The following PRKAR2B variants were observed in gnomAD, a reference collection of about 807,000 sequenced individuals.
PRKAR2B encodes the protein protein kinase cAMP-dependent type II regulatory subunit beta.
A neutral mutation model predicts 49.9 loss-of-function variants in PRKAR2B; 14 were observed. The observed-to-expected ratio is 0.28, with a 90% CI of 0.19 to 0.44. The LOEUF is 0.44. Ranked by LOEUF, PRKAR2B falls within the 20% of genes least tolerant of loss-of-function variation. PRKAR2B has a pLI of 1.00. For missense variants in PRKAR2B, 393 were observed against 537.9 expected (o/e 0.73, Z 2.67); for synonymous variants, 196 against 197.7 (o/e 0.99, Z 0.07).
chr7:107,050,333 CTTTTTTTTTTTTTT>C (rs57752789), intron 1 of PRKAR2B, among the ~76,000 whole-genome samples: 3 of 68,582 alleles, frequency 4.4e-5, no homozygotes, highest in African/African-American at 2.2e-4. Context: ...CAGTTACCAG[CTTTTTTTTTTTTTT>C]TTTTTTTTTT....
At chr7:107,095,785 G>A (rs1794825728) in intron 2 of PRKAR2B, among the ~76,000 whole-genome samples, 1 of 152,196 alleles carries the variant, frequency 6.6e-6, no homozygotes, top group Admixed American at 6.5e-5. Context: ...ATTTGGTTCT[G>A]TTCATATGAT....
intron 2 of PRKAR2B, among the ~76,000 whole-genome samples, chr7:107,105,597 C>A (rs1795056558): frequency 6.6e-6 from 1 of 152,224 alleles, no homozygotes; most frequent in South Asian, 2.1e-4. Flanking sequence ...CAAGGGCTAT[C>A]TGAGGCTCCT....
chr7:107,101,296 C>T (rs1380675981), intron 2 of PRKAR2B, among the ~76,000 whole-genome samples: 1 of 152,038 alleles, frequency 6.6e-6, no homozygotes, highest in Non-Finnish European at 1.5e-5. Context: ...GATGCAGTGA[C>T]CAGTGGTTGG....
At chr7:107,105,112 T>G (rs536637154) in intron 2 of PRKAR2B, among the ~76,000 whole-genome samples, 1 of 152,302 alleles carries the variant, frequency 6.6e-6, no homozygotes, top group African/African-American at 2.4e-5. Flanking sequence ...AATTATTGTT[T>G]TTTTCCGTGG....
At chr7:107,089,189 T>C (rs1237914893) in intron 2 of PRKAR2B, among the ~76,000 whole-genome samples, 1 of 151,944 alleles carries the variant, frequency 6.6e-6, no homozygotes, top group Non-Finnish European at 1.5e-5. Context: ...AACAAAAAAA[T>C]AGTCACATTT....
intron 4 of PRKAR2B, among the ~76,000 whole-genome samples, chr7:107,137,465 C>T (rs1795718681): frequency 6.6e-6 from 1 of 152,090 alleles, no homozygotes; most frequent in Admixed American, 6.5e-5. Flanking sequence ...TTATCCAGTG[C>T]CCTGTTGATA....
intron 1 of PRKAR2B, among the ~76,000 whole-genome samples, chr7:107,057,031 C>G (rs1006693179): frequency 1.3e-5 from 2 of 152,182 alleles, no homozygotes; most frequent in African/African-American, 4.8e-5. Flanking sequence ...TGTGCTTAAT[C>G]TAAAACTGAT....
At position 107,157,282 on chromosome 7, in the gene PRKAR2B, C is replaced by T. The variant is rs1796109833; in HGVS notation, c.1081C>T (p.Arg361Ter). ...GELALVTNKP[R>*]AASAHAIGTV... ...GCTTGCCCTGGTAACTAACAAACCT[C>T]GAGCAGCTTCTGCCCACGCCATTGG... Residue 361 changes from arginine to a stop codon, truncating the protein, a stop_gained, in exon 10 of 11, where the codon CGA becomes TGA. Coordinates refer to ENST00000265717, the MANE Select transcript of PRKAR2B (RefSeq NM_002736.3). LOFTEE classifies it high-confidence loss of function. 6 of 1,614,080 alleles carry T rather than the reference C, an allele frequency of 3.7e-6. No homozygotes were observed. The highest frequency in any genetic ancestry group is 1.1e-5 in the South Asian group (1 of 91,086).
intron 1 of PRKAR2B, among the ~76,000 whole-genome samples, chr7:107,062,880 A>G (rs1794052957): frequency 6.6e-6 from 1 of 152,154 alleles, no homozygotes; most frequent in Non-Finnish European, 1.5e-5. Context: ...TGCTTTTAAT[A>G]ATACTACTTG....
At position 107,045,059 on chromosome 7, in the gene PRKAR2B, T is replaced by A. The variant is rs1369699110; in HGVS notation, c.152T>A (p.Phe51Tyr). ...AACGAGCGCAAAGGCACCGCGCGCT[T>A]CGGCCATGAGGGCAGGACCTGGGGG... Reference protein sequence around the residue: ...QENERKGTARFGHEGRTWGDL... With the variant: ...QENERKGTARYGHEGRTWGDL... Residue 51 changes from phenylalanine (F) to tyrosine (Y), a missense_variant, in exon 1 of 11, where the codon TTC (phenylalanine) becomes TAC (tyrosine). Transcript: ENST00000265717. 2 of 1,543,868 alleles carry A rather than the reference T, an allele frequency of 1.3e-6. No homozygotes were observed. Among genetic ancestry groups the A allele is most frequent in the Non-Finnish European group, 1.7e-6 (2 of 1,148,744 alleles).
intron 1 of PRKAR2B, among the ~76,000 whole-genome samples, chr7:107,046,037 G>A (rs558566216): frequency 1.4e-4 from 21 of 152,198 alleles, no homozygotes; most frequent in Admixed American, 7.9e-4. Flanking sequence ...TAAGGATTGT[G>A]CCAGACAGTA....
chr7:107,136,423 T>A (rs1195247331), intron 4 of PRKAR2B, among the ~76,000 whole-genome samples: 1 of 152,172 alleles, frequency 6.6e-6, no homozygotes. Flanking sequence ...AAGACACAGC[T>A]GATAAAGGAC....
rs543723625 is a variant in PRKAR2B, at chr7:107,058,085, A to C, written c.308-12196A>C. Among the ~76,000 whole-genome samples, 240 of 151,454 alleles carry C rather than the reference A, an allele frequency of 1.6e-3. 2 individuals are homozygous for C. The highest frequency in any genetic ancestry group is 6.9e-3 in the Middle Eastern group (2 of 290). On this transcript the variant is annotated intron_variant, in intron 1 of 10. Transcript: ENST00000265717. ...AAAGTAAAAAAAAAAAAAAGATGGG[A>C]TAAAGCTTTGCTTTGTTTTCATACC...
chr7:107,146,512 A>T, intron 6 of PRKAR2B, 51 bp downstream of exon 6: 1 of 1,550,208 alleles, frequency 6.5e-7, no homozygotes. Context: ...AGCAATTGCT[A>T]TGACGGTGTT....
At chr7:107,059,785 G>T (rs1400814649) in intron 1 of PRKAR2B, among the ~76,000 whole-genome samples, 1 of 151,920 alleles carries the variant, frequency 6.6e-6, no homozygotes, top group Non-Finnish European at 1.5e-5. Flanking sequence ...ACCTCTGGGG[G>T]ACCATTTCCC....
At position 107,045,033 on chromosome 7, in the gene PRKAR2B, G is replaced by A. The variant is rs1298463292; in HGVS notation, c.126G>A (p.Glu42=). 5.8e-6 allele frequency: 9 copies of A among 1,550,324 alleles called. No homozygotes were observed. In the East Asian group the frequency reaches 9.6e-5, roughly 17 times the overall value. The change falls in exon 1 of 11, where the codon GAG becomes GAA. Residue 42 remains glutamate, a synonymous_variant. Coordinates refer to ENST00000265717, the MANE Select transcript of PRKAR2B (RefSeq NM_002736.3). ...ALQHFTRLQQ[E]NERKGTARFG... is the part of the protein sequence containing the mutation. ...AGCACTTCACCCGCCTGCAGCAGGA[G>A]AACGAGCGCAAAGGCACCGCGCGCT...
chr7:107,155,069 CG>C (rs59295956), intron 8 of PRKAR2B, among the ~76,000 whole-genome samples: 2,972 of 152,226 alleles, frequency 0.02, 97 homozygotes, highest in African/African-American at 0.066. Context: ...GTGCATGTCT[CG>C]GCACTTCCTC....
At chr7:107,116,423 A>G (rs1022558741) in intron 2 of PRKAR2B, among the ~76,000 whole-genome samples, 13 of 152,072 alleles carry the variant, frequency 8.5e-5, no homozygotes, top group African/African-American at 3.1e-4. Context: ...TTCTGTCTTG[A>G]TTTCTAGACT....
At chr7:107,097,188 G>A (rs1001513035) in intron 2 of PRKAR2B, among the ~76,000 whole-genome samples, 13 of 152,134 alleles carry the variant, frequency 8.5e-5, no homozygotes, top group Admixed American at 6.5e-5. Context: ...ATGAATCTGG[G>A]TGCTCCTGTA....
Sources: allele counts gnomAD v4.1 joint callset (sites outside exome capture counted in the v4.1 genomes callset), GRCh38; gene constraint gnomAD v4.1.1; transcripts MANE v1.5; gene names NCBI Gene and HGNC (gene_info 2026-07-23, HGNC 2026-07-21).